Variants in CMTM8 observed in about 807,000 individuals in gnomAD.
The protein encoded by CMTM8 is CKLF-like MARVEL transmembrane domain-containing protein 8.
Under a neutral mutation model 18.6 loss-of-function variants are expected in CMTM8, and 12 were observed. The observed-to-expected ratio is 0.65, with a 90% CI of 0.41 to 1.05. The LOEUF is 1.05. CMTM8 is among the 50% of genes least tolerant of loss of function. The pLI is 0.00. For missense variants in CMTM8, 217 were observed against 227.2 expected (o/e 0.95, Z 0.29); for synonymous variants, 87 against 90.6 (o/e 0.96, Z 0.23).
rs559241014 is a variant in CMTM8, at chr3:32,304,426, T to C, written c.148-52947T>C. The stretch of plus-strand genomic sequence containing the variant: ...GATGGCATGGGGGAAAGGAAAAGTA[T>C]AAAGGAAATGTATTCCAGCAGATCT... On this transcript the variant is annotated intron_variant, in intron 1 of 3. Transcript: ENST00000307526. Among the ~76,000 whole-genome samples the C allele has an allele frequency of 1.4e-4, 21 of 152,326 alleles. 1 individual carries two copies. The highest frequency in any genetic ancestry group is 4.8e-4 in the African/African-American group (20 of 41,580).
At chr3:32,263,593 G>A (rs2125538865) in intron 1 of CMTM8, among the ~76,000 whole-genome samples, 1 of 152,312 alleles carries the variant, frequency 6.6e-6, no homozygotes, top group East Asian at 1.9e-4. Context: ...GAACAAAGCT[G>A]GGCCGAGAAT....
chr3:32,361,972 G>C (rs1696939865), intron 2 of CMTM8, among the ~76,000 whole-genome samples: 1 of 151,764 alleles, frequency 6.6e-6, no homozygotes, highest in Non-Finnish European at 1.5e-5. Flanking sequence ...TGACCTCACT[G>C]CAAGCCTTGT....
intron 1 of CMTM8, among the ~76,000 whole-genome samples, chr3:32,302,312 C>T (rs1695636423): frequency 6.6e-6 from 1 of 151,990 alleles, no homozygotes; most frequent in African/African-American, 2.4e-5. Flanking sequence ...AACAAAATAC[C>T]CCCACAAAAT....
intron 1 of CMTM8, among the ~76,000 whole-genome samples, chr3:32,286,572 A>G (rs1575160400): frequency 1.3e-5 from 2 of 152,170 alleles, no homozygotes; most frequent in African/African-American, 4.8e-5. Flanking sequence ...CCCAGCCTGC[A>G]TTTTGCATGG....
chr3:32,273,801 T>A (rs1296124086), intron 1 of CMTM8, among the ~76,000 whole-genome samples: 1 of 152,094 alleles, frequency 6.6e-6, no homozygotes, highest in East Asian at 1.9e-4. Context: ...GTCTAAAAAT[T>A]ACTGAATTCT....
intron 2 of CMTM8, among the ~76,000 whole-genome samples, chr3:32,367,482 A>G (rs1053481325): frequency 7.9e-5 from 12 of 152,260 alleles, no homozygotes; most frequent in South Asian, 4.1e-4. Flanking sequence ...GGACACATGC[A>G]AGGGCTACAG....
chr3:32,340,605 CTT>C (rs760009937), intron 1 of CMTM8, among the ~76,000 whole-genome samples: 38 of 152,166 alleles, frequency 2.5e-4, no homozygotes, highest in Admixed American at 4.6e-4. Flanking sequence ...AATTGGCAAA[CTT>C]TTTCTATAAA....
chr3:32,313,916 C>T (rs1201714608), intron 1 of CMTM8, among the ~76,000 whole-genome samples: 5 of 152,020 alleles, frequency 3.3e-5, no homozygotes, highest in African/African-American at 1.2e-4. Context: ...ACTGCTTGAG[C>T]CTGGGAGGTT....
Position 32,361,274 on chromosome 3 carries a change from C to T in CMTM8, c.321+3728C>T, listed in dbSNP as rs567829797. On this transcript the variant is annotated intron_variant, in intron 2 of 3. Coordinates refer to ENST00000307526, the MANE Select transcript of CMTM8 (RefSeq NM_178868.5). ...GGGATTACAGGTGTGAGCCACGGCGCCCAGCCTAAGAGTTTTTTTTTCTTT... is the reference window on the plus strand; with the variant it reads ...GGGATTACAGGTGTGAGCCACGGCGTCCAGCCTAAGAGTTTTTTTTTCTTT... Among the ~76,000 whole-genome samples, 4 of 11,326 alleles carry T rather than the reference C, an allele frequency of 3.5e-4. No individual in the cohort carries two copies. The South Asian group carries it at 0.016, about 46-fold the overall frequency. 7.4% of individuals were successfully genotyped at this position (11,326 alleles called of 152,430 possible).
Position 32,259,463 on chromosome 3 carries a change from C to T in CMTM8, c.147+20344C>T, listed in dbSNP as rs528538727. On this transcript the variant is annotated intron_variant, in intron 1 of 3. Transcript: ENST00000307526. ...GTATGAGACAGAACTGGCCATGTGCCAGTCTTTGGAGAATGACATTCATGG... is the reference window on the plus strand; with the variant it reads ...GTATGAGACAGAACTGGCCATGTGCTAGTCTTTGGAGAATGACATTCATGG... The T allele has an allele frequency of 5.5e-4, 430 of 785,044 alleles. 1 individual carries two copies. Among genetic ancestry groups the T allele is most frequent in the Non-Finnish European group, 3.8e-4 (163 of 430,514 alleles). The allele number at this position is 785,044 out of a possible 1,614,324, so 48.6% of individuals were successfully genotyped here. A position where few individuals can be genotyped will look rare whatever the true frequency, so the allele number is the denominator to read the frequency against.
intron 1 of CMTM8, among the ~76,000 whole-genome samples, chr3:32,293,077 G>GTGTGTGTATATA (rs148004069): frequency 0.079 from 11,511 of 145,510 alleles, 755 homozygotes; most frequent in East Asian, 0.38. Context: ...ATATGTGTGT[G>GTGTGTGTATATA]TATATATATA....
chr3:32,262,194 A>C lies in CMTM8; in HGVS notation c.147+23075A>C, dbSNP rs372523637. On this transcript the variant is annotated intron_variant, in intron 1 of 3. Coordinates refer to ENST00000307526, the MANE Select transcript of CMTM8 (RefSeq NM_178868.5). Reference sequence around the variant, plus strand: ...ACTTGCCTCTCAACACCACGAAGCGAGGAATGGGACGCTGGGATTTCAGTT... The same window carrying C: ...ACTTGCCTCTCAACACCACGAAGCGCGGAATGGGACGCTGGGATTTCAGTT... 3.9e-5 allele frequency among the ~76,000 whole-genome samples: 6 copies of C among 152,264 alleles called. No homozygotes were observed. In the East Asian group the frequency reaches 7.7e-4, roughly 20 times the overall value.
At position 32,355,090 on chromosome 3, in the gene CMTM8, C is replaced by T. The variant is rs1696789102; in HGVS notation, c.148-2283C>T. Reference sequence around the variant, plus strand: ...TTAGAGTCTTAGCTGCTCCCTGGCACAGGCACCAAAACTGTACCAGGAAAG... The same window carrying T: ...TTAGAGTCTTAGCTGCTCCCTGGCATAGGCACCAAAACTGTACCAGGAAAG... On this transcript the variant is annotated intron_variant, in intron 1 of 3. Transcript: ENST00000307526. Among the ~76,000 whole-genome samples the T allele has an allele frequency of 2.0e-5, 3 of 152,192 alleles. No homozygotes were observed. In the South Asian group the frequency reaches 6.2e-4, roughly 32 times the overall value.
Position 32,263,834 on chromosome 3 carries a change from G to A in CMTM8, c.147+24715G>A, listed in dbSNP as rs9876413. ...GCCTCAGTAGCCAATTCGATCAACC[G>A]GAAGAAAGGGTATCAGTGATGGAAG... On this transcript the variant is annotated intron_variant, in intron 1 of 3. Transcript: ENST00000307526. Among the ~76,000 whole-genome samples, 925 of 152,228 alleles carry A rather than the reference G, an allele frequency of 6.1e-3. 7 individuals carry two copies. Among genetic ancestry groups the A allele is most frequent in the African/African-American group, 0.021 (891 of 41,524 alleles).
At chr3:32,252,678 G>A (rs1283150386) in intron 1 of CMTM8, among the ~76,000 whole-genome samples, 12 of 152,182 alleles carry the variant, frequency 7.9e-5, no homozygotes, top group Admixed American at 7.9e-4. Flanking sequence ...TTATAAGAAA[G>A]CTGTTAATTT....
intron 1 of CMTM8, among the ~76,000 whole-genome samples, chr3:32,338,495 C>T (rs754685160): frequency 3.9e-5 from 6 of 152,168 alleles, no homozygotes; most frequent in Non-Finnish European, 7.3e-5. Flanking sequence ...ACTGCTTTTA[C>T]CTCTATCTTT....
At chr3:32,289,250 T>C (rs1032078747) in intron 1 of CMTM8, among the ~76,000 whole-genome samples, 4 of 152,232 alleles carry the variant, frequency 2.6e-5, no homozygotes, top group Admixed American at 6.5e-5. Flanking sequence ...ATTTAAAATC[T>C]CCTGATTAAC....
chr3:32,346,767 G>C (rs1696602948), intron 1 of CMTM8, among the ~76,000 whole-genome samples: 1 of 151,640 alleles, frequency 6.6e-6, no homozygotes, highest in Non-Finnish European at 1.5e-5. Context: ...CGTTTGGTCT[G>C]TGGCACCATC....
intron 1 of CMTM8, among the ~76,000 whole-genome samples, chr3:32,295,476 AAAC>A (rs1298834676): frequency 9.7e-5 from 9 of 92,828 alleles, no homozygotes; most frequent in East Asian, 3.7e-4. Flanking sequence ...AAAAAAAAAA[AAAC>A]AAAACAAAAC....
Sources: allele counts gnomAD v4.1 joint callset (sites outside exome capture counted in the v4.1 genomes callset), GRCh38; gene constraint gnomAD v4.1.1; transcripts MANE v1.5; gene names NCBI Gene and HGNC (gene_info 2026-07-23, HGNC 2026-07-21).